The following CEP135 variants were observed in gnomAD, a reference collection of about 807,000 sequenced individuals.
CEP135 encodes the protein centrosomal protein 135, also known as centrosomal protein of 135 kDa.
In CEP135, 142 loss-of-function variants were observed where a neutral mutation model predicts 157.3. That is an observed-to-expected ratio of 0.90 (90% CI 0.79 to 1.04). CEP135 has a LOEUF of 1.04. Ranked by LOEUF, CEP135 falls within the 50% of genes least tolerant of loss-of-function variation. The pLI, the probability that CEP135 is intolerant of heterozygous loss-of-function variation, is 0.00. For synonymous variants in CEP135, 396 were observed against 439.8 expected (o/e 0.90, Z 1.25); for missense variants, 1,317 against 1,309.2 (o/e 1.01, Z -0.09).
chr4:55,990,022 T>C (rs1376368243), intron 14 of CEP135, among the ~76,000 whole-genome samples: 1 of 152,260 alleles, frequency 6.6e-6, no homozygotes, highest in Non-Finnish European at 1.5e-5. Flanking sequence ...TGTCTGTGAC[T>C]GCTTTTGTGC....
At position 56,019,365 on chromosome 4, in the gene CEP135, T is replaced by C. The variant is rs1730890893; in HGVS notation, c.3025T>C (p.Leu1009=). 6.2e-7 allele frequency: 1 copy of C among 1,610,250 alleles called. No homozygotes were observed. The highest frequency in any genetic ancestry group is 1.1e-5 in the South Asian group (1 of 90,096). The change falls in exon 23 of 26, where the codon TTA becomes CTA. Residue 1009 remains leucine (L), a synonymous_variant. Coordinates refer to ENST00000257287, the MANE Select transcript of CEP135 (RefSeq NM_025009.5). ...GTTTTTCACGTAGGTTGTGGTGGAA[T>C]TAGAAAATGTAAAGTCAGAGTCAGA... ...NLEFERVVVE[L]ENVKSESDLL... is the part of the protein sequence containing the mutation.
chr4:55,965,043 G>T (rs1728800143), intron 7 of CEP135: 1 of 151,910 alleles, frequency 6.6e-6, no homozygotes, highest in Admixed American at 6.6e-5. Flanking sequence ...ATCAACAGTA[G>T]CTCTAGAGGA....
Position 56,014,164 on chromosome 4 carries a change from A to AGGCC in CEP135, c.2802+2180_2802+2183dup, listed in dbSNP as rs1730688589. Among the ~76,000 whole-genome samples, 3 of 152,292 alleles carry AGGCC rather than the reference A, an allele frequency of 2.0e-5. No homozygotes were observed. The South Asian group carries it at 6.2e-4, about 32-fold the overall frequency. On this transcript the variant is annotated intron_variant, in intron 21 of 25. Coordinates refer to ENST00000257287, the MANE Select transcript of CEP135 (RefSeq NM_025009.5). The stretch of plus-strand genomic sequence containing the variant: ...GTGAGAGAATAATTTCTATTTTTTT[A>AGGCC]GGCCACACAATTTGTGGCAATTTGT...
At chr4:55,986,053 A>C (rs1221506658) in intron 14 of CEP135, among the ~76,000 whole-genome samples, 1 of 152,212 alleles carries the variant, frequency 6.6e-6, no homozygotes, top group Non-Finnish European at 1.5e-5. Flanking sequence ...TATTACCTGC[A>C]GGCAAGTTGC....
intron 8 of CEP135, among the ~76,000 whole-genome samples, chr4:55,968,376 T>C (rs1280024781): frequency 1.6e-5 from 1 of 62,414 alleles, no homozygotes; most frequent in South Asian, 3.6e-4. Context: ...CCAGTGGTGT[T>C]TTTTTTTTTT....
chr4:56,017,528 A>G, intron 21 of CEP135, 120 bp from the exon 22 acceptor site: 1 of 824,398 alleles, frequency 1.2e-6, no homozygotes, highest in Non-Finnish European at 1.8e-6. Context: ...AGAGTATTTT[A>G]AAATAAGCAA....
At chr4:55,966,205 CT>C (rs140248476) in intron 8 of CEP135, 120 of 186,698 alleles carry the variant, frequency 6.4e-4, no homozygotes, top group South Asian at 1.5e-3. Context: ...CTCAAGAATC[CT>C]TTTTTTTTGA....
rs1219762483 is a variant in CEP135 at position 55,980,421 on chromosome 4, T to C, written c.1626+126T>C. 4 of 557,756 alleles carry C rather than the reference T, an allele frequency of 7.2e-6. No individual in the cohort carries two copies. In the East Asian group the frequency reaches 1.4e-4, roughly 19 times the overall value. 34.6% of individuals were successfully genotyped at this position (557,756 alleles called of 1,614,324 possible). A position where few individuals can be genotyped will look rare whatever the true frequency, so the allele number is the denominator to read the frequency against. On this transcript the variant is annotated intron_variant, in intron 12 of 25. Transcript: ENST00000257287. ...TGATATTTCTTCATAATTAAAATTA[T>C]CAGTAGTAGTTTCTACTATCATTCT...
chr4:55,965,498 A>G (rs545126935), intron 7 of CEP135, 146 bp from the exon 8 acceptor site: 64 of 594,180 alleles, frequency 1.1e-4, no homozygotes, highest in African/African-American at 1.0e-3. Context: ...TTTGTAAATA[A>G]CAATATAAAT....
intron 11 of CEP135, among the ~76,000 whole-genome samples, chr4:55,979,167 C>T (rs2109681355): frequency 6.6e-6 from 1 of 152,250 alleles, no homozygotes; most frequent in Admixed American, 6.5e-5. Context: ...ATTATCCCTT[C>T]TTGGCACTTC....
At position 55,953,148 on chromosome 4, in the gene CEP135, A is replaced by T. The variant is rs752403861; in HGVS notation, c.177A>T (p.Lys59Asn). ...QSKLSAVKAE[K>N]ESANFDFVLE... ...AATTATCTGCTGTGAAAGCTGAAAA[A>T]GAAAGTGCCAATTTTGATTTTGTTT... The change falls in exon 3 of 26, where the codon AAA becomes AAT. Residue 59 changes from lysine to asparagine, a missense_variant. Physicochemically the swap from Lys to Asn is moderately conservative, Grantham distance 94 (BLOSUM62 0). Coordinates refer to ENST00000257287, the MANE Select transcript of CEP135 (RefSeq NM_025009.5). The T allele has an allele frequency of 6.2e-7, 1 of 1,608,360 alleles. No homozygotes were observed. The highest frequency in any genetic ancestry group is 2.2e-5 in the East Asian group (1 of 44,496).
At chr4:56,016,174 C>G (rs1363435377) in intron 21 of CEP135, among the ~76,000 whole-genome samples, 1 of 152,164 alleles carries the variant, frequency 6.6e-6, no homozygotes, top group Non-Finnish European at 1.5e-5. Context: ...GCACTGGCAG[C>G]ATCCACCAGA....
chr4:56,017,533 A>T, intron 21 of CEP135, 115 bp from the exon 22 acceptor site: 2 of 852,174 alleles, frequency 2.3e-6, no homozygotes, highest in Non-Finnish European at 3.5e-6. Context: ...ATTTTAAAAT[A>T]AGCAAAAATT....
At chr4:55,983,406 C>T (rs1729475211) in intron 13 of CEP135, among the ~76,000 whole-genome samples, 2 of 152,156 alleles carry the variant, frequency 1.3e-5, no homozygotes, top group Non-Finnish European at 2.9e-5. Flanking sequence ...ATCCTTAAAC[C>T]TTTTCCAGAG....
chr4:55,969,083 C>G lies in CEP135; in HGVS notation c.1065C>G (p.Leu355=), dbSNP rs761274579. 10 of 1,612,768 alleles carry G rather than the reference C, an allele frequency of 6.2e-6. No individual in the cohort carries two copies. The highest frequency in any genetic ancestry group is 7.6e-6 in the Non-Finnish European group (9 of 1,179,470). ...CCTAGAAAGAGATTAAAAGAAAGCT[C>G]TCTGAAATGCAGGATCTTGAAGAAA... is the stretch of plus-strand genomic sequence containing the variant. The part of the protein sequence containing the change: ...GEAKKEIKRK[L]SEMQDLEETM... Residue 355 remains leucine (L), a synonymous_variant, in exon 9 of 26, where the codon CTC becomes CTG. Transcript: ENST00000257287.
Position 55,981,239 on chromosome 4 carries a change from T to A in CEP135, c.1639T>A (p.Leu547Ile). 1.3e-6 allele frequency: 2 copies of A among 1,583,742 alleles called. No homozygotes were observed. Among genetic ancestry groups the A allele is most frequent in the Non-Finnish European group, 1.7e-6 (2 of 1,171,620 alleles). The change falls in exon 13 of 26, where the codon TTA becomes ATA. Residue 547 changes from leucine (L) to isoleucine (I), a missense_variant. By Grantham distance (5) the Leu-to-Ile change is conservative. Coordinates refer to ENST00000257287, the MANE Select transcript of CEP135 (RefSeq NM_025009.5). ...SVLYNEAQEE[L>I]SALRKESTQT... The stretch of plus-strand genomic sequence containing the variant: ...TTCATTCTTTAAGGCTCAGGAAGAA[T>A]TATCTGCCCTAAGAAAGGAATCCAC...
At chr4:56,023,649 CATATAAT>C (rs1731043601) in intron 24 of CEP135, among the ~76,000 whole-genome samples, 1 of 141,124 alleles carries the variant, frequency 7.1e-6, no homozygotes, top group Non-Finnish European at 1.5e-5. Flanking sequence ...ATATATAATA[CATATAAT>C]ATATAATATA....
At chr4:56,024,922 A>G (rs1731103999) in intron 25 of CEP135, among the ~76,000 whole-genome samples, 1 of 151,654 alleles carries the variant, frequency 6.6e-6, no homozygotes, top group South Asian at 2.1e-4. Context: ...AGGATCACCT[A>G]AGGCTAGGAG....
At chr4:56,004,059 C>T (rs796831347) in intron 17 of CEP135, among the ~76,000 whole-genome samples, 1 of 152,096 alleles carries the variant, frequency 6.6e-6, no homozygotes, top group Non-Finnish European at 1.5e-5. Flanking sequence ...TATAAACTTC[C>T]CTCTTAGCAC....
Sources: gnomAD v4.1 joint callset for allele counts (sites outside exome capture counted in the v4.1 genomes callset) on GRCh38, gnomAD v4.1.1 for gene constraint, MANE v1.5 for transcripts, NCBI Gene and HGNC (gene_info 2026-07-23, HGNC 2026-07-21) for gene names.